The following ZNF391 variants were observed in gnomAD, a reference collection of about 807,000 sequenced individuals.
ZNF391 encodes the protein zinc finger protein 391.
For synonymous variants in ZNF391, 126 were observed against 142.1 expected (o/e 0.89, Z 0.80); for missense variants, 375 against 425.5 (o/e 0.88, Z 1.04).
At chr6:27,386,294 CA>C (rs1450462258), upstream of ZNF391, among the ~76,000 whole-genome samples, 1 of 152,092 alleles carries the variant, frequency 6.6e-6, no homozygotes, top group Non-Finnish European at 1.5e-5. Context: ...ATCCCATGTT[CA>C]TGGGTTGGAA....
upstream of ZNF391, among the ~76,000 whole-genome samples, chr6:27,385,593 T>C (rs1375427785): frequency 6.6e-6 from 1 of 152,174 alleles, no homozygotes; most frequent in East Asian, 1.9e-4. Flanking sequence ...ACATAATCCT[T>C]AATATGTATG....
At chr6:27,387,292 T>C (rs1761598577), upstream of ZNF391, among the ~76,000 whole-genome samples, 1 of 152,208 alleles carries the variant, frequency 6.6e-6, no homozygotes, top group African/African-American at 2.4e-5. Context: ...GAAAACAGTT[T>C]GATGGTTCCT....
In ZNF391 at chr6:27,403,086, T is replaced by C. The variant is rs1333863499; in HGVS notation, c.*1639T>C. Reference sequence around the variant, plus strand: ...TCTTGGTACCTTGTGCCTAGATTACTAAATTGATCACTGTTGACTCACTAC... The same window carrying C: ...TCTTGGTACCTTGTGCCTAGATTACCAAATTGATCACTGTTGACTCACTAC... On this transcript the variant is annotated 3_prime_UTR_variant, in exon 3 of 3. Transcript: ENST00000244576. 6.6e-6 allele frequency: 1 copy of C among 152,176 alleles called. No individual in the cohort carries two copies. The highest frequency in any genetic ancestry group is 1.5e-5 in the Non-Finnish European group (1 of 68,030). 9.4% of individuals were successfully genotyped at this position (152,176 alleles called of 1,614,324 possible).
rs186675997 is a variant in ZNF391, at chr6:27,396,252, G to A, written c.-187-3190G>A. 6.8e-3 allele frequency among the ~76,000 whole-genome samples: 1,040 copies of A among 152,134 alleles called. 14 individuals are homozygous for A. The highest frequency in any genetic ancestry group is 0.023 in the African/African-American group (969 of 41,498). ...AGGAAAAGGAAAGTGATTTATAATCGAATAATATGCATTTCAGCATGTAAA... is the reference window on the plus strand; with the variant it reads ...AGGAAAAGGAAAGTGATTTATAATCAAATAATATGCATTTCAGCATGTAAA... On this transcript the variant is annotated intron_variant, in intron 1 of 2. Transcript: ENST00000244576.
At position 27,401,599 on chromosome 6, in the gene ZNF391, CATCT is replaced by C. The variant is rs750798506; in HGVS notation, c.*156_*159del. 2.5e-5 allele frequency: 13 copies of C among 529,730 alleles called. No homozygotes were observed. The highest frequency in any genetic ancestry group is 3.5e-5 in the Admixed American group (1 of 28,450). The allele number at this position is 529,730 out of a possible 1,614,324, so 32.8% of individuals were successfully genotyped here. A position where few individuals can be genotyped will look rare whatever the true frequency, so the allele number is the denominator to read the frequency against. On this transcript the variant is annotated 3_prime_UTR_variant, in exon 3 of 3. Coordinates refer to ENST00000244576, the MANE Select transcript of ZNF391 (RefSeq NM_001076781.3). ...TAAGCTTTCATTCGTTCTTTCCATC[CATCT>C]ATCCTTCTTTCGTCTCCCCTCCCTT...
chr6:27,387,636 A>T (rs1761604113), upstream of ZNF391, among the ~76,000 whole-genome samples: 1 of 152,234 alleles, frequency 6.6e-6, no homozygotes, highest in African/African-American at 2.4e-5. Flanking sequence ...TCCAGACATA[A>T]ATAGACAAAT....
chr6:27,400,516 C>T lies in ZNF391; in HGVS notation c.146C>T (p.Thr49Ile). Reference sequence around the variant, plus strand: ...ACAGTGGTCAGAAAAGTGTCAGTGACACTCAAAGAAATTTTCACAGGGGAG... The same window carrying T: ...ACAGTGGTCAGAAAAGTGTCAGTGATACTCAAAGAAATTTTCACAGGGGAG... The part of the protein sequence containing the change: ...ENTVVRKVSV[T>I]LKEIFTGEEG... Residue 49 changes from threonine (T) to isoleucine (I), a missense_variant, in exon 3 of 3, where the codon ACA (threonine) becomes ATA (isoleucine). Transcript: ENST00000244576. The T allele has an allele frequency of 6.2e-7, 1 of 1,614,166 alleles. No homozygotes were observed. Among genetic ancestry groups the T allele is most frequent in the Non-Finnish European group, 8.5e-7 (1 of 1,180,022 alleles).
intron 1 of ZNF391, among the ~76,000 whole-genome samples, chr6:27,381,168 G>A (rs2030175220): frequency 6.6e-6 from 1 of 152,240 alleles, no homozygotes; most frequent in African/African-American, 2.4e-5. Context: ...CGGAGGGGGT[G>A]GGAGGCTCAG....
At chr6:27,384,482 AAGAG>A (rs760600893), upstream of ZNF391, among the ~76,000 whole-genome samples, 502 of 24,684 alleles carry the variant, frequency 0.02, 7 homozygotes, top group African/African-American at 0.052. Context: ...AAAAAAAAAA[AAGAG>A]AGAGAGAGAG....
At chr6:27,384,203 C>T (rs994435113), upstream of ZNF391, among the ~76,000 whole-genome samples, 7 of 152,098 alleles carry the variant, frequency 4.6e-5, no homozygotes, top group Non-Finnish European at 8.8e-5. Context: ...GTGGCTCAAG[C>T]CTGTAATCCC....
upstream of ZNF391, chr6:27,388,589 C>A (rs1761621224): frequency 3.4e-6 from 1 of 294,052 alleles, no homozygotes; most frequent in Non-Finnish European, 6.6e-6. Flanking sequence ...CGGCACCTCT[C>A]GCAGACCCCC....
intron 1 of ZNF391, 141 bp downstream of exon 1, chr6:27,389,216 A>G (rs917452264): frequency 6.6e-6 from 3 of 456,436 alleles, no homozygotes; most frequent in African/African-American, 4.0e-5. Flanking sequence ...GGGGTCATGA[A>G]GCCCCCAGCG....
chr6:27,396,589 G>T (rs1761831171), intron 1 of ZNF391, among the ~76,000 whole-genome samples: 1 of 152,086 alleles, frequency 6.6e-6, no homozygotes, highest in African/African-American at 2.4e-5. Context: ...AGCCATACAT[G>T]GTGGTGTGTG....
rs1353249416 is a variant in ZNF391 at position 27,376,708 on chromosome 6, A to C, written n.523+1571A>C. 6.6e-6 allele frequency among the ~76,000 whole-genome samples: 1 copy of C among 152,026 alleles called. No homozygotes were observed. Among genetic ancestry groups the C allele is most frequent in the Non-Finnish European group, 1.5e-5 (1 of 68,018 alleles). On this transcript the variant is annotated intron_variant and non_coding_transcript_variant, in intron 1 of 2. Coordinates refer to the ZNF391 transcript ENST00000477999. The surrounding 1 kb of genome is among the most constrained non-coding windows in gnomAD (Gnocchi z 4.7). ...CCATCTCTACTAAAAATACAAAAAA[A>C]TTAGCTAGATGTAATGGCGAGCCGC...
intron 1 of ZNF391, among the ~76,000 whole-genome samples, chr6:27,381,210 C>T (rs551282980): frequency 2.6e-5 from 4 of 152,354 alleles, no homozygotes; most frequent in Admixed American, 2.0e-4. Context: ...GAGGCCTGCG[C>T]CGCGGGAAGG....
rs1446220547 is a variant in ZNF391, at chr6:27,401,393, C to T, written c.1023C>T (p.Ala341=). The T allele has an allele frequency of 1.9e-6, 3 of 1,612,936 alleles. No individual in the cohort carries two copies. The highest frequency in any genetic ancestry group is 2.5e-6 in the Non-Finnish European group (3 of 1,180,014). ...KPYKCNDCGK[A]FCQSSTLIRH... ...ACAAATGTAATGACTGTGGAAAAGC[C>T]TTCTGTCAGAGTTCAACTCTGATCA... Residue 341 remains alanine (A), a synonymous_variant, in exon 3 of 3, where the codon GCC becomes GCT. Coordinates refer to ENST00000244576, the MANE Select transcript of ZNF391 (RefSeq NM_001076781.3).
chr6:27,397,602 A>G (rs1460905981), intron 1 of ZNF391, among the ~76,000 whole-genome samples: 1 of 152,184 alleles, frequency 6.6e-6, no homozygotes, highest in East Asian at 1.9e-4. Flanking sequence ...ATTCCTATTA[A>G]GGAATGTTGG....
chr6:27,378,319 T>A (rs1761447925), intron 1 of ZNF391, among the ~76,000 whole-genome samples: 1 of 152,110 alleles, frequency 6.6e-6, no homozygotes. Flanking sequence ...GCTTTTTAAA[T>A]CACCTGGGTG....
intron 1 of ZNF391, 143 bp downstream of exon 1, chr6:27,389,218 C>A (rs899552383): frequency 1.1e-5 from 5 of 456,402 alleles, no homozygotes; most frequent in African/African-American, 4.0e-5. Context: ...GGTCATGAAG[C>A]CCCCAGCGCT....
Sources: gnomAD v4.1 joint callset for allele counts (sites outside exome capture counted in the v4.1 genomes callset) on GRCh38, gnomAD v4.1.1 for gene constraint, Gnocchi (gnomAD v3.1) non-coding constraint, MANE v1.5 for transcripts, NCBI Gene and HGNC (gene_info 2026-07-23, HGNC 2026-07-21) for gene names.